Variants in RGS6 observed in about 807,000 individuals in gnomAD.
The protein encoded by RGS6 is regulator of G-protein signaling 6.
Under a neutral mutation model 78.5 loss-of-function variants are expected in RGS6, and 30 were observed. The ratio of observed to expected loss-of-function variants is 0.38; its 90% CI spans 0.29 to 0.52. The LOEUF (loss-of-function observed/expected upper bound fraction) is 0.52. Ranked by LOEUF, RGS6 falls within the 20% of genes least tolerant of loss-of-function variation. The pLI is 0.85. For synonymous variants in RGS6, 206 were observed against 206.0 expected, an observed-to-expected ratio of 1.00 and a Z score of 0.00; for missense variants, 495 against 609.7, an observed-to-expected ratio of 0.81 and a Z score of 1.98.
Position 72,564,437 on chromosome 14 carries a change from C to T in RGS6, c.*1970C>T, listed in dbSNP as rs1599240688. 1.3e-5 allele frequency: 2 copies of T among 152,240 alleles called. No individual in the cohort carries two copies. The highest frequency in any genetic ancestry group is 2.9e-5 in the Non-Finnish European group (2 of 68,050). 9.4% of individuals were successfully genotyped at this position (152,240 alleles called of 1,614,324 possible). A position where few individuals can be genotyped will look rare whatever the true frequency, so the allele number is the denominator to read the frequency against. On this transcript the variant is annotated 3_prime_UTR_variant, in exon 18 of 18. Coordinates refer to ENST00000553525, the MANE Select transcript of RGS6 (RefSeq NM_001204424.2). ...AGTTATGGGGTCTTTTGACAGGCCC[C>T]TTTCATCCTCTTTCTCTTTGTATAA... is the stretch of plus-strand genomic sequence containing the variant.
chr14:72,487,833 A>C (rs1274433352), intron 12 of RGS6, among the ~76,000 whole-genome samples: 1 of 151,818 alleles, frequency 6.6e-6, no homozygotes, highest in Non-Finnish European at 1.5e-5. Context: ...ATATGAGATA[A>C]TCTGTTCCAG....
chr14:71,989,414 C>G (rs1416295688), intron 2 of RGS6, among the ~76,000 whole-genome samples: 1 of 152,226 alleles, frequency 6.6e-6, no homozygotes, highest in Non-Finnish European at 1.5e-5. Context: ...GCAAGATACT[C>G]TAATCACTGA....
intron 2 of RGS6, among the ~76,000 whole-genome samples, chr14:72,024,387 A>G (rs1313389746): frequency 6.6e-6 from 1 of 152,126 alleles, no homozygotes; most frequent in Non-Finnish European, 1.5e-5. Context: ...TAAGGTTTTC[A>G]TCGTTGGCTG....
At chr14:72,613,250 C>T in the RGS6 span, among the ~76,000 whole-genome samples, 1 of 152,106 alleles carries the variant, frequency 6.6e-6, no homozygotes, top group African/African-American at 2.4e-5. Flanking sequence ...CCTACAAGGC[C>T]CACTTACCTG....
intron 2 of RGS6, among the ~76,000 whole-genome samples, chr14:72,017,370 T>G (rs967423770): frequency 1.3e-5 from 2 of 152,254 alleles, no homozygotes; most frequent in Non-Finnish European, 2.9e-5. Flanking sequence ...ATAAAATCTT[T>G]TAATAATAAT....
intron 2 of RGS6, among the ~76,000 whole-genome samples, chr14:72,091,895 TA>T (rs1273285074): frequency 6.6e-6 from 1 of 152,238 alleles, no homozygotes; most frequent in Non-Finnish European, 1.5e-5. Context: ...CTCTATTCTC[TA>T]ATTTTCCAGA....
At chr14:72,538,111 C>T (rs958582244) in intron 16 of RGS6, among the ~76,000 whole-genome samples, 2 of 152,258 alleles carry the variant, frequency 1.3e-5, no homozygotes, top group African/African-American at 4.8e-5. Context: ...AAAACAGTGA[C>T]AAAACCTGCT....
chr14:72,567,032 CAAG>C (rs1167880460), downstream of RGS6, among the ~76,000 whole-genome samples: 11 of 152,202 alleles, frequency 7.2e-5, no homozygotes, highest in Non-Finnish European at 1.5e-4. Context: ...GTCAGGCTGA[CAAG>C]AGGAGGATGA....
At chr14:71,869,718 A>G in the RGS6 span, among the ~76,000 whole-genome samples, 230 of 152,334 alleles carry the variant, frequency 1.5e-3, 1 homozygote, top group Non-Finnish European at 2.7e-3. Flanking sequence ...TTGACACAAT[A>G]TAGTTGCCAT....
At chr14:72,294,257 A>G (rs2064240789) in intron 2 of RGS6, among the ~76,000 whole-genome samples, 2 of 152,350 alleles carry the variant, frequency 1.3e-5, no homozygotes, top group East Asian at 3.9e-4. Context: ...CTTTGATCCC[A>G]ATGGCTGTTA....
Position 71,977,624 on chromosome 14 carries a change from C to A in RGS6, c.84+12749C>A, listed in dbSNP as rs201965238. On this transcript the variant is annotated intron_variant, in intron 2 of 17. Coordinates refer to ENST00000553525, the MANE Select transcript of RGS6 (RefSeq NM_001204424.2). ...TCTGTTCTGTTCCGTTGATCTATAT[C>A]TCTGTTTTGGTACCAGTACCATGCT... Among the ~76,000 whole-genome samples, 18 of 150,250 alleles carry A rather than the reference C, an allele frequency of 1.2e-4. No individual in the cohort carries two copies. The East Asian group carries it at 2.9e-3, about 24-fold the overall frequency.
At chr14:72,529,340 G>T (rs2097154411) in intron 15 of RGS6, among the ~76,000 whole-genome samples, 1 of 152,200 alleles carries the variant, frequency 6.6e-6, no homozygotes, top group Non-Finnish European at 1.5e-5. Context: ...TTGAAGGGTG[G>T]TTCAGGCTGT....
In RGS6 at chr14:72,536,193, T is replaced by C; in HGVS notation, c.1286T>C (p.Ile429Thr). Reference protein sequence around the residue: ...RYTFEDAQEHIYKLMKSDSYA... With the variant: ...RYTFEDAQEHTYKLMKSDSYA... ...TGTCACCTTCCTCCCCAGGAGCACA[T>C]CTACAAGCTGATGAAGAGTGACAGC... The change falls in exon 16 of 18, where the codon ATC becomes ACC. Residue 429 changes from isoleucine (I) to threonine (T), a missense_variant. Coordinates refer to ENST00000553525, the MANE Select transcript of RGS6 (RefSeq NM_001204424.2). 6.2e-7 allele frequency: 1 copy of C among 1,613,294 alleles called. No homozygotes were observed. Among genetic ancestry groups the C allele is most frequent in the Non-Finnish European group, 8.5e-7 (1 of 1,179,434 alleles).
chr14:72,557,975 C>T (rs1275191132), intron 17 of RGS6, among the ~76,000 whole-genome samples: 1 of 151,778 alleles, frequency 6.6e-6, no homozygotes, highest in Non-Finnish European at 1.5e-5. Flanking sequence ...ATAGCTGGGA[C>T]TTTTTTTTGT....
In RGS6 at chr14:72,564,985, C is replaced by T. The variant is rs546949968; in HGVS notation, c.*2518C>T. The stretch of plus-strand genomic sequence containing the variant: ...CAAGAAGGGAGTGGAACGAGGCTGC[C>T]TATCCAAGGTCCATCTACCACGCAG... On this transcript the variant is annotated 3_prime_UTR_variant, in exon 18 of 18. Coordinates refer to ENST00000553525, the MANE Select transcript of RGS6 (RefSeq NM_001204424.2). 6.6e-6 allele frequency: 1 copy of T among 152,288 alleles called. No individual in the cohort carries two copies. Among genetic ancestry groups the T allele is most frequent in the African/African-American group, 2.4e-5 (1 of 41,454 alleles). 9.4% of individuals were successfully genotyped at this position (152,288 alleles called of 1,614,324 possible). A position where few individuals can be genotyped will look rare whatever the true frequency, so the allele number is the denominator to read the frequency against.
At chr14:72,482,289 C>T (rs981601058) in intron 12 of RGS6, among the ~76,000 whole-genome samples, 2 of 152,268 alleles carry the variant, frequency 1.3e-5, no homozygotes, top group African/African-American at 2.4e-5. Flanking sequence ...TTCCCCTTCC[C>T]TAAATGGCCC....
chr14:72,366,248 C>G (rs2082428774), intron 3 of RGS6, among the ~76,000 whole-genome samples: 1 of 152,020 alleles, frequency 6.6e-6, no homozygotes, highest in Non-Finnish European at 1.5e-5. Context: ...ACAGGTATTG[C>G]TGGGATGAAG....
chr14:72,082,028 A>T (rs2094847064), intron 2 of RGS6, among the ~76,000 whole-genome samples: 1 of 152,098 alleles, frequency 6.6e-6, no homozygotes, highest in Admixed American at 6.6e-5. Flanking sequence ...AGTTAAAGTC[A>T]TTCAGTTATT....
rs575171242 is a variant in RGS6 at position 72,456,927 on chromosome 14, A to T, written c.236-1344A>T. 3.3e-3 allele frequency among the ~76,000 whole-genome samples: 507 copies of T among 151,910 alleles called. 5 individuals are homozygous for T. The highest frequency in any genetic ancestry group is 9.7e-3 in the African/African-American group (400 of 41,426). ...ACCCTACCTCTACCAAAAAAAATAA[A>T]AAAAAAATTAGACAGACGTGGTGGC... On this transcript the variant is annotated intron_variant, in intron 4 of 17. Coordinates refer to ENST00000553525, the MANE Select transcript of RGS6 (RefSeq NM_001204424.2).
Sources: gnomAD v4.1 joint callset for allele counts (sites outside exome capture counted in the v4.1 genomes callset) on GRCh38, gnomAD v4.1.1 for gene constraint, MANE v1.5 for transcripts, NCBI Gene and HGNC (gene_info 2026-07-23, HGNC 2026-07-21) for gene names.